NCOA2: variants seen among roughly 807,000 people sequenced by gnomAD.
NCOA2 encodes the protein class E basic helix-loop-helix protein 75.
NCOA2 carries 21 observed loss-of-function variants against 145.1 expected under a neutral mutation model. That is an observed-to-expected ratio of 0.14 (90% CI 0.10 to 0.21). The LOEUF (loss-of-function observed/expected upper bound fraction) is 0.21, where lower values mean the gene tolerates loss of function less well. NCOA2 is among the 10% of genes least tolerant of loss of function. The pLI, the probability that NCOA2 is intolerant of heterozygous loss-of-function variation, is 1.00. For synonymous variants in NCOA2, 619 were observed against 637.5 expected (o/e 0.97, Z 0.44); for missense variants, 1,472 against 1,837.6 (o/e 0.80, Z 3.64).
intron 4 of NCOA2, among the ~76,000 whole-genome samples, chr8:70,200,482 T>C (rs1477683375): frequency 6.6e-6 from 1 of 152,146 alleles, no homozygotes; most frequent in African/African-American, 2.4e-5. Context: ...GTGGCCTGTC[T>C]CTCCTACTGC....
chr8:70,140,866 G>A (rs113241770), intron 14 of NCOA2, among the ~76,000 whole-genome samples: 8,288 of 151,726 alleles, frequency 0.055, 753 homozygotes, highest in African/African-American at 0.19. Flanking sequence ...CAAAGTGCTG[G>A]GATTACAAGC....
At chr8:70,415,061 T>C in the NCOA2 span, among the ~76,000 whole-genome samples, 13 of 152,136 alleles carry the variant, frequency 8.5e-5, no homozygotes, top group African/African-American at 3.1e-4. Context: ...CTAACACCTT[T>C]GGAGGCTGAG....
chr8:70,430,049 C>T, the NCOA2 span, among the ~76,000 whole-genome samples: 29 of 152,064 alleles, frequency 1.9e-4, no homozygotes, highest in Admixed American at 1.8e-3. Context: ...GATAGGGTCT[C>T]ACTTTGTTGC....
At chr8:70,379,012 G>A (rs1811936966) in intron 1 of NCOA2, among the ~76,000 whole-genome samples, 1 of 152,142 alleles carries the variant, frequency 6.6e-6, no homozygotes, top group African/African-American at 2.4e-5. Context: ...TAATCTCTAT[G>A]CTTGATGCCT....
chr8:70,335,392 C>T (rs2136360704), intron 1 of NCOA2, among the ~76,000 whole-genome samples: 1 of 152,260 alleles, frequency 6.6e-6, no homozygotes, highest in South Asian at 2.1e-4. Context: ...CAACACACTA[C>T]AACAGCTAAA....
chr8:70,389,173 A>C (rs1272699673), intron 1 of NCOA2, among the ~76,000 whole-genome samples: 1 of 152,080 alleles, frequency 6.6e-6, no homozygotes, highest in Non-Finnish European at 1.5e-5. Flanking sequence ...CAGACTATTT[A>C]AGTATTTTCC....
At chr8:70,447,236 T>A in the NCOA2 span, among the ~76,000 whole-genome samples, 1 of 152,152 alleles carries the variant, frequency 6.6e-6, no homozygotes, top group African/African-American at 2.4e-5. Context: ...CCCTGTCGTT[T>A]CTCCTTAAGA....
chr8:70,137,536 C>G (rs1047013220), intron 15 of NCOA2, among the ~76,000 whole-genome samples: 1 of 152,154 alleles, frequency 6.6e-6, no homozygotes, highest in African/African-American at 2.4e-5. Flanking sequence ...TCTAACATAT[C>G]AAATAAACGT....
intron 2 of NCOA2, among the ~76,000 whole-genome samples, chr8:70,251,839 T>C (rs1037114978): frequency 1.3e-5 from 2 of 152,176 alleles, no homozygotes; most frequent in Admixed American, 1.3e-4. Context: ...AGTCATCCGT[T>C]TCAAATTCTC....
At chr8:70,411,280 T>A in the NCOA2 span, among the ~76,000 whole-genome samples, 5 of 152,056 alleles carry the variant, frequency 3.3e-5, no homozygotes, top group Non-Finnish European at 7.4e-5. Context: ...TTCTAGCCAA[T>A]GTGATAAAAG....
intron 4 of NCOA2, among the ~76,000 whole-genome samples, chr8:70,206,581 T>A (rs1023192396): frequency 7.2e-5 from 11 of 152,212 alleles, no homozygotes; most frequent in Admixed American, 3.9e-4. Context: ...ATCTCTAGAA[T>A]CTGGAGAGGA....
At chr8:70,162,005 G>A (rs746165586) in intron 9 of NCOA2, among the ~76,000 whole-genome samples, 2 of 152,042 alleles carry the variant, frequency 1.3e-5, no homozygotes, top group East Asian at 1.9e-4. Flanking sequence ...TCAGATGGAC[G>A]TCCTGCACTG....
At chr8:70,352,012 T>G (rs565798200) in intron 1 of NCOA2, among the ~76,000 whole-genome samples, 2 of 152,118 alleles carry the variant, frequency 1.3e-5, no homozygotes, top group African/African-American at 2.4e-5. Context: ...TTTACAATTA[T>G]GCTTTTTTTC....
the NCOA2 span, among the ~76,000 whole-genome samples, chr8:70,435,324 C>T: frequency 7.1e-6 from 1 of 140,134 alleles, no homozygotes; most frequent in South Asian, 2.4e-4. Context: ...ACTCGGGAGG[C>T]TGAGGCAGGA....
the NCOA2 span, among the ~76,000 whole-genome samples, chr8:70,454,298 G>A: frequency 1.3e-5 from 2 of 152,164 alleles, no homozygotes; most frequent in African/African-American, 4.8e-5. Flanking sequence ...ATCAAGTCAC[G>A]CTCATGACAG....
At chr8:70,343,725 C>T (rs556077090) in intron 1 of NCOA2, among the ~76,000 whole-genome samples, 1 of 151,386 alleles carries the variant, frequency 6.6e-6, no homozygotes, top group South Asian at 2.1e-4. Context: ...GCAGGAGAAT[C>T]GCTTGAACCC....
intron 1 of NCOA2, among the ~76,000 whole-genome samples, chr8:70,381,341 T>C (rs1369976192): frequency 6.6e-6 from 1 of 152,176 alleles, no homozygotes; most frequent in East Asian, 1.9e-4. Flanking sequence ...TTCTATTTAA[T>C]ACACAATGGG....
chr8:70,194,670 T>C lies in NCOA2; in HGVS notation c.259+19233A>G, dbSNP rs527835258. On this transcript the variant is annotated intron_variant, in intron 4 of 22. Coordinates refer to ENST00000452400, the MANE Select transcript of NCOA2 (RefSeq NM_006540.4). The stretch of plus-strand genomic sequence containing the variant: ...AACTTTCTGTTTTTCTGGGCTCTTT[T>C]ATCTTCTTTTTTTTTTTTTTTTTTT... Among the ~76,000 whole-genome samples, 493 of 139,224 alleles carry C rather than the reference T, an allele frequency of 3.5e-3. 13 individuals carry two copies. In the Admixed American group the frequency reaches 0.037, roughly 10 times the overall value. 91.3% of individuals were successfully genotyped at this position (139,224 alleles called of 152,430 possible).
intron 12 of NCOA2, among the ~76,000 whole-genome samples, chr8:70,146,507 A>G (rs1811080206): frequency 6.6e-6 from 1 of 152,244 alleles, no homozygotes; most frequent in Non-Finnish European, 1.5e-5. Context: ...TAGAAATAAA[A>G]TATTTTAAAA....
Sources: gnomAD v4.1 joint callset for allele counts (sites outside exome capture counted in the v4.1 genomes callset) on GRCh38, gnomAD v4.1.1 for gene constraint, MANE v1.5 for transcripts, NCBI Gene and HGNC (gene_info 2026-07-23, HGNC 2026-07-21) for gene names.